Variants in CAV1 observed in about 807,000 individuals in gnomAD.
CAV1 encodes caveolin 1, also known as caveolin-1.
Under a neutral mutation model 16.5 loss-of-function variants are expected in CAV1, and 10 were observed. The ratio of observed to expected loss-of-function variants is 0.61; its 90% confidence interval spans 0.37 to 1.03. CAV1 has a LOEUF of 1.03. Among genes scored for constraint, CAV1 ranks in the 50% least tolerant of loss-of-function variants. The pLI, the probability that CAV1 is intolerant of heterozygous loss-of-function variation, is 0.01. For missense variants in CAV1, 212 were observed against 232.8 expected (o/e 0.91, Z 0.58); for synonymous variants, 76 against 85.1 (o/e 0.89, Z 0.59).
intron 2 of CAV1, among the ~76,000 whole-genome samples, chr7:116,553,740 G>C (rs1251932063): frequency 6.6e-6 from 1 of 152,156 alleles, no homozygotes. Context: ...GGCAAGTGCA[G>C]TCAGTCCCCT....
intron 2 of CAV1, among the ~76,000 whole-genome samples, chr7:116,539,967 C>T (rs1793903895): frequency 6.6e-6 from 1 of 152,172 alleles, no homozygotes. Flanking sequence ...CGCACTATGG[C>T]AAGATTGAGA....
In CAV1 at chr7:116,526,711, G is replaced by T. The variant is rs770102804; in HGVS notation, c.195+22G>T. The T allele has an allele frequency of 5.6e-6, 9 of 1,613,704 alleles. No homozygotes were observed. In the Admixed American group the frequency reaches 1.5e-4, roughly 27 times the overall value. On this transcript the variant is annotated intron_variant, in intron 2 of 2. Coordinates refer to ENST00000341049, the MANE Select transcript of CAV1 (RefSeq NM_001753.5). Reference sequence around the variant, plus strand: ...CAAGGTAAGCCAAGGCGACCAACAGGGAAGGGCTGGGACAGCTCTCCTCTG... The same window carrying T: ...CAAGGTAAGCCAAGGCGACCAACAGTGAAGGGCTGGGACAGCTCTCCTCTG...
At chr7:116,544,443 AAAT>A (rs1376450043) in intron 2 of CAV1, among the ~76,000 whole-genome samples, 4 of 152,142 alleles carry the variant, frequency 2.6e-5, no homozygotes, top group Admixed American at 2.6e-4. Flanking sequence ...CTAGTATCAG[AAAT>A]AATAACCACA....
At chr7:116,545,028 G>A (rs1794012552) in intron 2 of CAV1, among the ~76,000 whole-genome samples, 1 of 152,170 alleles carries the variant, frequency 6.6e-6, no homozygotes, top group Non-Finnish European at 1.5e-5. Context: ...AGTACAGCAA[G>A]GCAAAAGTGC....
intron 2 of CAV1, among the ~76,000 whole-genome samples, chr7:116,531,603 T>C (rs1303866113): frequency 6.6e-6 from 1 of 152,222 alleles, no homozygotes; most frequent in Non-Finnish European, 1.5e-5. Context: ...TTATTATTAT[T>C]ATACTTTAAG....
In CAV1 at chr7:116,560,868, A is replaced by G. The variant is rs1280456542; in HGVS notation, c.*1581A>G. On this transcript the variant is annotated 3_prime_UTR_variant, in exon 3 of 3. Transcript: ENST00000341049. ...TTTTGCATTTAAAACAGACACTGGC[A>G]TGGATATAGTTTTACTTTTAAACTG... 6.6e-6 allele frequency: 1 copy of G among 152,598 alleles called. No homozygotes were observed. Among genetic ancestry groups the G allele is most frequent in the African/African-American group, 2.4e-5 (1 of 41,436 alleles). The allele number at this position is 152,598 out of a possible 1,614,324, so 9.5% of individuals were successfully genotyped here. A position where few individuals can be genotyped will look rare whatever the true frequency, so the allele number is the denominator to read the frequency against.
intron 1 of CAV1, chr7:116,525,376 G>C (rs1180014807): frequency 6.5e-7 from 1 of 1,528,514 alleles, no homozygotes; most frequent in Admixed American, 2.0e-5. Flanking sequence ...TTGGGCCCAG[G>C]ACGCGTTTTC....
intron 1 of CAV1, chr7:116,525,387 T>C (rs1169144834): frequency 7.9e-6 from 12 of 1,515,186 alleles, no homozygotes; most frequent in Non-Finnish European, 1.1e-5. Flanking sequence ...ACGCGTTTTC[T>C]GGATGGGTCT....
In CAV1 at chr7:116,548,812, C is replaced by T. The variant is rs1372690865; in HGVS notation, c.196-10134C>T. 2.6e-5 allele frequency among the ~76,000 whole-genome samples: 4 copies of T among 152,150 alleles called. No individual in the cohort carries two copies. In the East Asian group the frequency reaches 7.7e-4, roughly 29 times the overall value. Reference sequence around the variant, plus strand: ...ATGGGGGGAAATAATACCTGCCTTGCAGGTCCTCACACACAGGGCATGATG... The same window carrying T: ...ATGGGGGGAAATAATACCTGCCTTGTAGGTCCTCACACACAGGGCATGATG... On this transcript the variant is annotated intron_variant, in intron 2 of 2. Coordinates refer to ENST00000341049, the MANE Select transcript of CAV1 (RefSeq NM_001753.5).
Position 116,527,066 on chromosome 7 carries a change from GT to G in CAV1, c.195+378del. 1.2e-5 allele frequency: 4 copies of G among 343,682 alleles called. 1 individual carries two copies. The highest frequency in any genetic ancestry group is 1.0e-4 in the South Asian group (4 of 40,044). 21.3% of individuals were successfully genotyped at this position (343,682 alleles called of 1,614,324 possible). On this transcript the variant is annotated intron_variant, in intron 2 of 2. Transcript: ENST00000341049. ...TCCCAGGTTGAAAGTCTAGTGACAG[GT>G]CCCCACTGCACGTGGCATTAAGACA... is the stretch of plus-strand genomic sequence containing the variant.
At chr7:116,557,000 G>A (rs1794306732) in intron 2 of CAV1, among the ~76,000 whole-genome samples, 1 of 152,220 alleles carries the variant, frequency 6.6e-6, no homozygotes, top group Admixed American at 6.5e-5. Context: ...AGAATGCAGT[G>A]TCAGAACACA....
At chr7:116,530,648 C>T (rs186957637) in intron 2 of CAV1, among the ~76,000 whole-genome samples, 159 of 152,182 alleles carry the variant, frequency 1.0e-3, no homozygotes, top group African/African-American at 3.6e-3. Flanking sequence ...GCATTCTAAA[C>T]GAGCCAGGCA....
At position 116,559,307 on chromosome 7, in the gene CAV1, A is replaced by G. The variant is rs750440706; in HGVS notation, c.*20A>G. 6.3e-7 allele frequency: 1 copy of G among 1,580,530 alleles called. No homozygotes were observed. The highest frequency in any genetic ancestry group is 8.7e-7 in the Non-Finnish European group (1 of 1,150,164). On this transcript the variant is annotated 3_prime_UTR_variant, in exon 3 of 3. Coordinates refer to ENST00000341049, the MANE Select transcript of CAV1 (RefSeq NM_001753.5). ...ATATAAATGACATTTCAAGGATAGA[A>G]GTATACCTGATTTTTTTTCCTTTTA...
At chr7:116,554,909 G>C (rs113406407) in intron 2 of CAV1, among the ~76,000 whole-genome samples, 8 of 152,166 alleles carry the variant, frequency 5.3e-5, no homozygotes, top group Non-Finnish European at 7.4e-5. Flanking sequence ...AAAATGCGCA[G>C]ACTTGAAATA....
chr7:116,529,575 A>G (rs1175749896), intron 2 of CAV1, among the ~76,000 whole-genome samples: 3 of 152,134 alleles, frequency 2.0e-5, no homozygotes, highest in Non-Finnish European at 2.9e-5. Context: ...AGAAAACAAC[A>G]ACAAAACTCT....
At chr7:116,551,514 T>C (rs1406609712) in intron 2 of CAV1, among the ~76,000 whole-genome samples, 2 of 152,230 alleles carry the variant, frequency 1.3e-5, no homozygotes, top group Non-Finnish European at 2.9e-5. Flanking sequence ...GGGCATCTGA[T>C]AGACATTCAT....
intron 1 of CAV1, 42 bp downstream of exon 1, chr7:116,525,134 G>T: frequency 6.2e-7 from 1 of 1,614,182 alleles, no homozygotes; most frequent in East Asian, 2.2e-5. Flanking sequence ...CGTGCGGGGA[G>T]TGTCCGCTTC....
chr7:116,534,395 A>ATTTT (rs1159703159), intron 2 of CAV1, among the ~76,000 whole-genome samples: 8 of 7,832 alleles, frequency 1.0e-3, no homozygotes, highest in African/African-American at 2.7e-3. Context: ...ATATATATAT[A>ATTTT]TTTTTTTTTT....
chr7:116,548,272 A>C (rs1390006982), intron 2 of CAV1, among the ~76,000 whole-genome samples: 1 of 152,244 alleles, frequency 6.6e-6, no homozygotes, highest in Non-Finnish European at 1.5e-5. Flanking sequence ...CTGACACTAA[A>C]GAAATGGAAT....
Sources: allele counts gnomAD v4.1 joint callset (sites outside exome capture counted in the v4.1 genomes callset), GRCh38; gene constraint gnomAD v4.1.1; transcripts MANE v1.5; gene names NCBI Gene and HGNC (gene_info 2026-07-23, HGNC 2026-07-21).